The following FHIP2A variants were observed in gnomAD, a reference collection of about 807,000 sequenced individuals.
FHIP2A encodes family with sequence similarity 160 member B1.
Under a neutral mutation model 93.5 loss-of-function variants are expected in FHIP2A, and 46 were observed. The ratio of observed to expected loss-of-function variants is 0.49; its 90% CI spans 0.39 to 0.63. The LOEUF (loss-of-function observed/expected upper bound fraction) is 0.63. Ranked by LOEUF, FHIP2A falls within the 20% of genes least tolerant of loss-of-function variation. FHIP2A has a pLI of 0.00. For synonymous variants in FHIP2A, 332 were observed against 326.5 expected, an observed-to-expected ratio of 1.02 and a Z score of -0.18; for missense variants, 769 against 909.7, an observed-to-expected ratio of 0.85 and a Z score of 1.99.
intron 16 of FHIP2A, among the ~76,000 whole-genome samples, chr10:114,871,332 T>C (rs751942799): frequency 3.3e-5 from 5 of 151,940 alleles, no homozygotes; most frequent in Non-Finnish European, 7.4e-5. Context: ...TCTGTATTCT[T>C]TAAATCCTCC....
At chr10:114,865,697 T>C (rs1358290376), downstream of FHIP2A, among the ~76,000 whole-genome samples, 2 of 152,138 alleles carry the variant, frequency 1.3e-5, no homozygotes, top group Non-Finnish European at 2.9e-5. Flanking sequence ...AATTTAGCAG[T>C]GTTTTAGCTG....
intron 16 of FHIP2A, chr10:114,899,414 T>G (rs933962934): frequency 4.2e-6 from 3 of 714,610 alleles, no homozygotes; most frequent in African/African-American, 3.5e-5. Flanking sequence ...CATAGTTAGA[T>G]CCGTATGCTC....
At chr10:114,847,894 A>G (rs1035119497) in intron 12 of FHIP2A, among the ~76,000 whole-genome samples, 3 of 151,944 alleles carry the variant, frequency 2.0e-5, no homozygotes, top group Non-Finnish European at 1.5e-5. Flanking sequence ...TTACAGTCGC[A>G]TGGCTACTAC....
At chr10:114,831,154 C>A (rs1342708406) in intron 2 of FHIP2A, among the ~76,000 whole-genome samples, 1 of 152,186 alleles carries the variant, frequency 6.6e-6, no homozygotes, top group African/African-American at 2.4e-5. Context: ...ATAGAACAGT[C>A]AGTCAAACAG....
chr10:114,863,473 T>C lies in FHIP2A; in HGVS notation c.*1933T>C, dbSNP rs2083812442. The C allele has an allele frequency of 1.8e-6, 2 of 1,122,424 alleles. No individual in the cohort carries two copies. The highest frequency in any genetic ancestry group is 2.2e-6 in the Non-Finnish European group (2 of 910,560). The allele number at this position is 1,122,424 out of a possible 1,614,324, so 69.5% of individuals were successfully genotyped here. ...ACTATGGGACCTTATAACTAGTCCATGAAACCAAGCTCAGAAAAGCTTTAA... is the reference window on the plus strand; with the variant it reads ...ACTATGGGACCTTATAACTAGTCCACGAAACCAAGCTCAGAAAAGCTTTAA... On this transcript the variant is annotated 3_prime_UTR_variant, in exon 17 of 17. Transcript: ENST00000369248.
chr10:114,879,911 A>G lies in FHIP2A; in HGVS notation c.2192+18577A>G, dbSNP rs1219074205. Among the ~76,000 whole-genome samples the G allele has an allele frequency of 2.0e-5, 3 of 152,260 alleles. No individual in the cohort carries two copies. The East Asian group carries it at 5.8e-4, about 29-fold the overall frequency. On this transcript the variant is annotated intron_variant, in intron 16 of 16. Coordinates refer to the FHIP2A transcript ENST00000369250. ...GAGGCTCAAGGGATTTTCCCACTTC[A>G]GCCTCCCAAATAGCTGGGACTGCAG...
At chr10:114,854,097 A>C (rs1183987468) in intron 13 of FHIP2A, among the ~76,000 whole-genome samples, 3 of 151,098 alleles carry the variant, frequency 2.0e-5, no homozygotes, top group African/African-American at 7.3e-5. Flanking sequence ...ATAAATATTC[A>C]CACTGTTTCA....
chr10:114,837,243 G>A (rs2083641411), intron 5 of FHIP2A, among the ~76,000 whole-genome samples: 1 of 152,260 alleles, frequency 6.6e-6, no homozygotes, highest in Admixed American at 6.5e-5. Flanking sequence ...GGCCAGGCGC[G>A]ATGGCTCACA....
chr10:114,846,163 C>A lies in FHIP2A; in HGVS notation c.1206-12C>A, dbSNP rs888740090. ...TATTTTTGCCCACTGACTACCTGTT[C>A]ATTGTGCTCAGTTCTGAGATGGGTA... On this transcript the variant is annotated splice_polypyrimidine_tract_variant and intron_variant, in intron 9 of 16. Transcript: ENST00000369248. 1 of 1,613,680 alleles carries A rather than the reference C, an allele frequency of 6.2e-7. No individual in the cohort carries two copies.
rs1457684621 is a variant in FHIP2A, at chr10:114,861,821, A to C, written c.*281A>C. On this transcript the variant is annotated 3_prime_UTR_variant, in exon 17 of 17. Transcript: ENST00000369248. ...CTTCAGGAAATAAGCATTTCTAATG[A>C]CTGTGAAAAGCTGCAATATTTCCAA... The C allele has an allele frequency of 9.4e-7, 1 of 1,064,266 alleles. No homozygotes were observed. The highest frequency in any genetic ancestry group is 1.7e-5 in the African/African-American group (1 of 59,594). The allele number at this position is 1,064,266 out of a possible 1,614,324, so 65.9% of individuals were successfully genotyped here.
Position 114,863,992 on chromosome 10 carries a change from C to T in FHIP2A, c.*2452C>T, listed in dbSNP as rs1005257646. 5.7e-6 allele frequency: 6 copies of T among 1,051,712 alleles called. No individual in the cohort carries two copies. The highest frequency in any genetic ancestry group is 6.9e-6 in the Non-Finnish European group (6 of 869,510). 65.1% of individuals were successfully genotyped at this position (1,051,712 alleles called of 1,614,324 possible). On this transcript the variant is annotated 3_prime_UTR_variant, in exon 17 of 17. Transcript: ENST00000369248. ...ACTCAGATTTGTCTTAGCCTATTGC[C>T]ATATAGTACTCACCTTATAACTATG...
At chr10:114,823,753 C>T (rs1406029263) in intron 1 of FHIP2A, among the ~76,000 whole-genome samples, 1 of 151,890 alleles carries the variant, frequency 6.6e-6, no homozygotes, top group African/African-American at 2.4e-5. Context: ...CCGCCTTGGC[C>T]TCCCAAAGTG....
At position 114,864,497 on chromosome 10, in the gene FHIP2A, A is replaced by G. The variant is rs2083818788; in HGVS notation, c.*2957A>G. ...TCCTGCCTTGTTTACATTAAACAGG[A>G]TATTTGGTAAATTTTTTTGTATTGA... is the stretch of plus-strand genomic sequence containing the variant. On this transcript the variant is annotated 3_prime_UTR_variant, in exon 17 of 17. Coordinates refer to ENST00000369248, the MANE Select transcript of FHIP2A (RefSeq NM_020940.4). 1.0e-6 allele frequency: 1 copy of G among 985,772 alleles called. No homozygotes were observed. Among genetic ancestry groups the G allele is most frequent in the Non-Finnish European group, 1.2e-6 (1 of 829,886 alleles). The allele number at this position is 985,772 out of a possible 1,614,324, so 61.1% of individuals were successfully genotyped here. A position where few individuals can be genotyped will look rare whatever the true frequency, so the allele number is the denominator to read the frequency against.
At chr10:114,834,110 C>G (rs928501234) in intron 3 of FHIP2A, among the ~76,000 whole-genome samples, 7 of 152,068 alleles carry the variant, frequency 4.6e-5, no homozygotes, top group Admixed American at 4.6e-4. Context: ...CTGTGAATTT[C>G]TATGATATAT....
intron 16 of FHIP2A, among the ~76,000 whole-genome samples, chr10:114,890,780 A>G (rs1340026027): frequency 6.7e-6 from 1 of 149,158 alleles, no homozygotes; most frequent in African/African-American, 2.5e-5. Context: ...TATACTGTAT[A>G]TGACATATAT....
At chr10:114,849,402 G>A (rs1220301801) in intron 13 of FHIP2A, among the ~76,000 whole-genome samples, 1 of 152,076 alleles carries the variant, frequency 6.6e-6, no homozygotes, top group East Asian at 1.9e-4. Flanking sequence ...GATGCAGACA[G>A]TGATTCACAA....
At chr10:114,844,940 A>G (rs1592019185) in intron 7 of FHIP2A, among the ~76,000 whole-genome samples, 1 of 146,216 alleles carries the variant, frequency 6.8e-6, no homozygotes, top group East Asian at 2.0e-4. Flanking sequence ...ATGAGCCACC[A>G]TGCCCAGCTA....
At chr10:114,865,336 T>G (rs1407639014), downstream of FHIP2A, among the ~76,000 whole-genome samples, 3 of 152,156 alleles carry the variant, frequency 2.0e-5, no homozygotes, top group Non-Finnish European at 2.9e-5. Flanking sequence ...TTTTCTAACA[T>G]ATATAAAAAC....
At chr10:114,871,378 G>A (rs940989975) in intron 16 of FHIP2A, among the ~76,000 whole-genome samples, 4 of 152,064 alleles carry the variant, frequency 2.6e-5, no homozygotes, top group African/African-American at 2.4e-5. Context: ...TGCAGCAACA[G>A]TAGCATGGCA....
Sources: gnomAD v4.1 joint callset for allele counts (sites outside exome capture counted in the v4.1 genomes callset) on GRCh38, gnomAD v4.1.1 for gene constraint, MANE v1.5 for transcripts, NCBI Gene and HGNC (gene_info 2026-07-23, HGNC 2026-07-21) for gene names.